The following RPP14 variants were observed in gnomAD, a reference collection of about 807,000 sequenced individuals.
RPP14 encodes ribonuclease P protein subunit p14.
Under a neutral mutation model 17.8 loss-of-function variants are expected in RPP14, and 19 were observed. The ratio of observed to expected loss-of-function variants is 1.07; its 90% CI spans 0.74 to 1.57. The LOEUF (loss-of-function observed/expected upper bound fraction) is 1.57, where lower values mean the gene tolerates loss of function less well. Ranked by LOEUF, RPP14 falls within the 40% of genes most tolerant of loss-of-function variation. The probability of loss-of-function intolerance (pLI) is 0.00; values close to 1 mark genes in which losing one functional copy is unlikely to be tolerated. For missense variants in RPP14, 125 were observed against 140.8 expected (o/e 0.89, Z 0.57); for synonymous variants, 60 against 56.4 (o/e 1.06, Z -0.29).
intron 2 of RPP14, 35 bp downstream of exon 2, chr3:58,310,441 C>G: frequency 6.2e-7 from 1 of 1,605,610 alleles, no homozygotes; most frequent in African/African-American, 1.3e-5. Flanking sequence ...TTTTAGATTA[C>G]TTTTCTAACA....
At chr3:58,312,960 CAAAAAAAA>C (rs35853424) in intron 3 of RPP14, among the ~76,000 whole-genome samples, 2 of 79,044 alleles carry the variant, frequency 2.5e-5, no homozygotes, top group African/African-American at 1.0e-4. Context: ...GACTCTGTCT[CAAAAAAAA>C]AAAAAAAAAA....
At chr3:58,307,852 G>A (rs2097477213) in intron 1 of RPP14, 1 of 149,634 alleles carries the variant, frequency 6.7e-6, no homozygotes, top group Admixed American at 6.7e-5. Flanking sequence ...GGGCAGTGCT[G>A]TCATTTGTAA....
intron 3 of RPP14, among the ~76,000 whole-genome samples, chr3:58,314,334 G>C (rs1042725112): frequency 1.3e-5 from 2 of 152,192 alleles, no homozygotes; most frequent in African/African-American, 4.8e-5. Context: ...CAGGGTGACA[G>C]AGAGAGACTC....
intron 3 of RPP14, chr3:58,315,856 A>G (rs1309718931): frequency 6.6e-6 from 1 of 152,152 alleles, no homozygotes; most frequent in Non-Finnish European, 1.5e-5. Flanking sequence ...TTGTATTTTT[A>G]GTAAAAATGG....
At chr3:58,314,786 G>A (rs2097486587) in intron 3 of RPP14, among the ~76,000 whole-genome samples, 1 of 148,248 alleles carries the variant, frequency 6.7e-6, no homozygotes, top group African/African-American at 2.5e-5. Flanking sequence ...CCAGGTTCAG[G>A]CGATTCTCCT....
chr3:58,308,526 C>G (rs1208035162), intron 1 of RPP14, among the ~76,000 whole-genome samples: 2 of 152,108 alleles, frequency 1.3e-5, no homozygotes, highest in Non-Finnish European at 2.9e-5. Context: ...CTCCTGGCCT[C>G]CCAAACTGTT....
At position 58,317,429 on chromosome 3, in the gene RPP14, T is replaced by A; in HGVS notation, c.319-11T>A. The A allele has an allele frequency of 1.9e-6, 3 of 1,582,314 alleles. No individual in the cohort carries two copies. Among genetic ancestry groups the A allele is most frequent in the Non-Finnish European group, 2.6e-6 (3 of 1,154,046 alleles). ...TCTCCCAATGCCTTAACCTTTTTCTTTCTCTTCTAGGTTTCTCCATTTCTT... is the reference window on the plus strand; with the variant it reads ...TCTCCCAATGCCTTAACCTTTTTCTATCTCTTCTAGGTTTCTCCATTTCTT... On this transcript the variant is annotated splice_polypyrimidine_tract_variant and intron_variant, in intron 5 of 5. Coordinates refer to ENST00000295959, the MANE Select transcript of RPP14 (RefSeq NM_007042.6).
Position 58,310,539 on chromosome 3 carries a change from C to T in RPP14, c.110C>T (p.Ala37Val). The T allele has an allele frequency of 6.2e-7, 1 of 1,612,194 alleles. No homozygotes were observed. Among genetic ancestry groups the T allele is most frequent in the Non-Finnish European group, 8.5e-7 (1 of 1,179,638 alleles). Reference protein sequence around the residue: ...EFQDCGVGLNAAQFKQLLISA... With the variant: ...EFQDCGVGLNVAQFKQLLISA... ...CAAGATTGTGGAGTTGGACTGAATG[C>T]TGCACAGTTCAAACAGCTGCTTATT... Residue 37 changes from alanine to valine, a missense_variant, in exon 3 of 6, where the codon GCT becomes GTT. Physicochemically the swap from Ala to Val is moderately conservative, Grantham distance 64. Transcript: ENST00000295959.
At chr3:58,317,332 G>A (rs969635906) in intron 5 of RPP14, 108 bp from the exon 6 acceptor site, 5 of 716,098 alleles carry the variant, frequency 7.0e-6, no homozygotes, top group South Asian at 1.8e-5. Context: ...TCTGTAAAAT[G>A]CTCCTGCATC....
intron 3 of RPP14, 94 bp downstream of exon 3, chr3:58,310,685 C>T: frequency 2.9e-6 from 3 of 1,041,338 alleles, no homozygotes; most frequent in Non-Finnish European, 2.9e-6. Flanking sequence ...GTAATCCCAG[C>T]ACTTTGGAGG....
intron 1 of RPP14, chr3:58,308,119 C>T (rs1339392759): frequency 6.6e-6 from 1 of 152,170 alleles, no homozygotes; most frequent in East Asian, 1.9e-4. Context: ...GTTTCTTGTT[C>T]TCCCTGCCCT....
At position 58,316,921 on chromosome 3, in the gene RPP14, T is replaced by C. The variant is rs1175532921; in HGVS notation, c.246T>C (p.Leu82=). 2.5e-6 allele frequency: 4 copies of C among 1,613,382 alleles called. No homozygotes were observed. The highest frequency in any genetic ancestry group is 3.4e-6 in the Non-Finnish European group (4 of 1,179,504). The change falls in exon 5 of 6, where the codon CTT becomes CTC. Residue 82 remains leucine, a synonymous_variant. Transcript: ENST00000295959. ...SAILRICSSG[L]VKLWSSLTLL... is the part of the protein sequence containing the mutation. ...TTTCTTGATCTTTCTGCAGTGGTCT[T>C]GTCAAATTGTGGAGCTCTTTGACCC...
chr3:58,309,375 C>T (rs934274878), intron 1 of RPP14, among the ~76,000 whole-genome samples: 2 of 152,124 alleles, frequency 1.3e-5, no homozygotes, highest in African/African-American at 4.8e-5. Flanking sequence ...ATAATAATAC[C>T]TCTTACCTCA....
Position 58,319,559 on chromosome 3 carries a change from G to GTT in RPP14, c.*2064_*2065dup, listed in dbSNP as rs1466041283. 1 of 151,580 alleles carries GTT rather than the reference G, an allele frequency of 6.6e-6. No individual in the cohort carries two copies. Among genetic ancestry groups the GTT allele is most frequent in the Non-Finnish European group, 1.5e-5 (1 of 67,994 alleles). 9.4% of individuals were successfully genotyped at this position (151,580 alleles called of 1,614,324 possible). ...ATTAGTGTTCTTAAGTACAGTTTCT[G>GTT]TTATAAAAGTTCAGATTATTCCTTG... On this transcript the variant is annotated 3_prime_UTR_variant, in exon 6 of 6. Transcript: ENST00000295959.
At chr3:58,307,865 CT>C (rs11293912) in intron 1 of RPP14, 8,282 of 143,836 alleles carry the variant, frequency 0.058, 647 homozygotes, top group African/African-American at 0.18. Context: ...ATTTGTAAGT[CT>C]TTTTTTTTTT....
intron 3 of RPP14, among the ~76,000 whole-genome samples, chr3:58,311,907 G>A (rs567906974): frequency 3.9e-5 from 6 of 152,110 alleles, no homozygotes; most frequent in East Asian, 1.9e-4. Flanking sequence ...AAGTCTTGCC[G>A]TGATGCCCAG....
chr3:58,318,425 C>CAA lies in RPP14; in HGVS notation c.*929_*930insAA. The CAA allele has an allele frequency of 5.6e-6, 1 of 177,790 alleles. No homozygotes were observed. The highest frequency in any genetic ancestry group is 1.1e-5 in the Non-Finnish European group (1 of 89,112). The allele number at this position is 177,790 out of a possible 1,614,324, so 11.0% of individuals were successfully genotyped here. A position where few individuals can be genotyped will look rare whatever the true frequency, so the allele number is the denominator to read the frequency against. ...GTAATCCTGGCACTTTGGGAGGCTGCGGCAGGCGGATCACTTGAGGTCAGG... is the reference window on the plus strand; with the variant it reads ...GTAATCCTGGCACTTTGGGAGGCTGCAAGGCAGGCGGATCACTTGAGGTCAGG... On this transcript the variant is annotated 3_prime_UTR_variant, in exon 6 of 6. Coordinates refer to ENST00000295959, the MANE Select transcript of RPP14 (RefSeq NM_007042.6).
At chr3:58,307,574 A>G (rs535499183) in intron 1 of RPP14, among the ~76,000 whole-genome samples, 68 of 152,250 alleles carry the variant, frequency 4.5e-4, no homozygotes, top group African/African-American at 1.6e-3. Context: ...AAAAATACAA[A>G]AGTTAGCTGG....
At chr3:58,311,697 G>A (rs1429500448) in intron 3 of RPP14, among the ~76,000 whole-genome samples, 2 of 148,186 alleles carry the variant, frequency 1.3e-5, no homozygotes, top group Non-Finnish European at 3.0e-5. Flanking sequence ...AAATATGAGA[G>A]TGCATATGTC....
Sources: allele counts gnomAD v4.1 joint callset (sites outside exome capture counted in the v4.1 genomes callset), GRCh38; gene constraint gnomAD v4.1.1; transcripts MANE v1.5; gene names NCBI Gene and HGNC (gene_info 2026-07-23, HGNC 2026-07-21).